OLA1: variants seen among roughly 807,000 people sequenced by gnomAD.
OLA1 encodes the protein Obg like ATPase 1, also known as obg-like ATPase 1.
Under a neutral mutation model 48.4 loss-of-function variants are expected in OLA1, and 14 were observed. The observed-to-expected ratio is 0.29, with a 90% CI of 0.19 to 0.45. The LOEUF (loss-of-function observed/expected upper bound fraction) is 0.45. Ranked by LOEUF, OLA1 falls within the 20% of genes least tolerant of loss-of-function variation. The pLI is 1.00. For synonymous variants in OLA1, 127 were observed against 150.4 expected, an observed-to-expected ratio of 0.84 and a Z score of 1.14; for missense variants, 325 against 467.1, an observed-to-expected ratio of 0.70 and a Z score of 2.80.
At chr2:174,094,303 G>C (rs1685194591) in intron 7 of OLA1, among the ~76,000 whole-genome samples, 1 of 152,210 alleles carries the variant, frequency 6.6e-6, no homozygotes, top group Non-Finnish European at 1.5e-5. Flanking sequence ...TAAGTAAATG[G>C]AAAGACATCC....
chr2:174,192,761 C>T (rs10193195), intron 4 of OLA1, among the ~76,000 whole-genome samples: 80,790 of 151,922 alleles, frequency 0.53, 22,048 homozygotes, highest in East Asian at 0.94. Flanking sequence ...TCATTAGGCA[C>T]AGATTTCTGG....
chr2:174,127,282 T>C lies in OLA1; in HGVS notation c.550-3607A>G, dbSNP rs527924257. Among the ~76,000 whole-genome samples the C allele has an allele frequency of 5.8e-4, 89 of 152,340 alleles. No individual in the cohort carries two copies. The South Asian group carries it at 6.6e-3, about 11-fold the overall frequency. Reference sequence around the variant, plus strand: ...ACCCTGGCATATTTGTCTTCCTTACTGCTTTTATAACTGTTCCTTGTTTAG... The same window carrying C: ...ACCCTGGCATATTTGTCTTCCTTACCGCTTTTATAACTGTTCCTTGTTTAG... On this transcript the variant is annotated intron_variant, in intron 5 of 10. Transcript: ENST00000284719.
intron 10 of OLA1, among the ~76,000 whole-genome samples, chr2:174,076,304 T>G (rs1684735486): frequency 6.6e-6 from 1 of 152,130 alleles, no homozygotes; most frequent in African/African-American, 2.4e-5. Flanking sequence ...TGAACTTTAC[T>G]TTACCATAAG....
At chr2:174,159,140 A>G (rs1171116196) in intron 4 of OLA1, among the ~76,000 whole-genome samples, 4 of 152,218 alleles carry the variant, frequency 2.6e-5, no homozygotes, top group East Asian at 3.8e-4. Flanking sequence ...CAGCATAAAC[A>G]GTTCACTTAC....
intron 7 of OLA1, among the ~76,000 whole-genome samples, chr2:174,117,494 G>A (rs1024299936): frequency 6.6e-6 from 1 of 152,022 alleles, no homozygotes; most frequent in African/African-American, 2.4e-5. Flanking sequence ...CAGTTTTTTA[G>A]GATTCGTTTT....
At chr2:174,221,158 A>C (rs1356172470) in intron 4 of OLA1, among the ~76,000 whole-genome samples, 5 of 152,200 alleles carry the variant, frequency 3.3e-5, no homozygotes, top group Non-Finnish European at 4.4e-5. Flanking sequence ...AATCATACTA[A>C]GAGAGCATAG....
At chr2:174,138,912 T>C (rs35312569) in intron 5 of OLA1, among the ~76,000 whole-genome samples, 59,259 of 152,090 alleles carry the variant, frequency 0.39, 12,892 homozygotes, top group East Asian at 0.94. Context: ...AGTCTTTAGT[T>C]CTTCAATTAG....
chr2:174,238,503 A>G (rs1296826857), intron 2 of OLA1, among the ~76,000 whole-genome samples: 1 of 150,376 alleles, frequency 6.6e-6, no homozygotes, highest in African/African-American at 2.4e-5. Context: ...CCAAAAAAAA[A>G]AAAAAAAAAA....
At chr2:174,140,256 C>T (rs891442266) in intron 5 of OLA1, among the ~76,000 whole-genome samples, 5 of 152,032 alleles carry the variant, frequency 3.3e-5, no homozygotes, top group African/African-American at 9.7e-5. Flanking sequence ...CATTTTTGTA[C>T]CTTTAGACCA....
At chr2:174,168,952 A>G (rs1337189132) in intron 4 of OLA1, among the ~76,000 whole-genome samples, 1 of 151,466 alleles carries the variant, frequency 6.6e-6, no homozygotes, top group African/African-American at 2.4e-5. Context: ...ATGGTTCAAC[A>G]TGCATATAAT....
intron 3 of OLA1, among the ~76,000 whole-genome samples, chr2:174,225,122 T>A (rs1375257220): frequency 6.6e-6 from 1 of 152,170 alleles, no homozygotes; most frequent in Non-Finnish European, 1.5e-5. Context: ...TCCATAGTAA[T>A]GAGTGAGTTC....
chr2:174,105,642 T>C (rs986702950), intron 7 of OLA1, among the ~76,000 whole-genome samples: 1 of 151,988 alleles, frequency 6.6e-6, no homozygotes, highest in Non-Finnish European at 1.5e-5. Context: ...ATCAGAAGAA[T>C]AATAAGGATT....
At chr2:174,075,738 A>C (rs973580389) in intron 10 of OLA1, among the ~76,000 whole-genome samples, 1 of 152,200 alleles carries the variant, frequency 6.6e-6, no homozygotes, top group Non-Finnish European at 1.5e-5. Context: ...CCATATATAC[A>C]TAATCATAAT....
intron 4 of OLA1, among the ~76,000 whole-genome samples, chr2:174,191,277 A>G (rs1338047802): frequency 2.0e-5 from 3 of 151,524 alleles, no homozygotes; most frequent in African/African-American, 7.3e-5. Context: ...TTCCTGATCC[A>G]ATGTCATTTA....
intron 5 of OLA1, among the ~76,000 whole-genome samples, chr2:174,129,351 G>A (rs944205943): frequency 6.6e-6 from 1 of 151,744 alleles, no homozygotes; most frequent in African/African-American, 2.4e-5. Flanking sequence ...CCAGCTACTC[G>A]GGAGGCTGAG....
At position 174,231,035 on chromosome 2, in the gene OLA1, A is replaced by G. The variant is rs564673118; in HGVS notation, c.102-1584T>C. ...ATGCTGAAGGAGAAAGAAACCAGCA[A>G]AACATTTGGAGGAAACTTGGAGAAC... On this transcript the variant is annotated intron_variant, in intron 2 of 10. Transcript: ENST00000284719. Among the ~76,000 whole-genome samples the G allele has an allele frequency of 3.2e-4, 48 of 152,326 alleles. No homozygotes were observed. In the South Asian group the frequency reaches 5.4e-3, roughly 17 times the overall value.
intron 5 of OLA1, among the ~76,000 whole-genome samples, chr2:174,130,044 A>G (rs1363083511): frequency 6.6e-6 from 1 of 152,210 alleles, no homozygotes; most frequent in Non-Finnish European, 1.5e-5. Flanking sequence ...AACAGTCGCT[A>G]GAAGTCCACT....
chr2:174,219,014 T>TGTG (rs1688430403), intron 4 of OLA1, among the ~76,000 whole-genome samples: 1 of 120,632 alleles, frequency 8.3e-6, no homozygotes, highest in South Asian at 3.2e-4. Flanking sequence ...TTTGTAGCAA[T>TGTG]GTGGTCTCCC....
intron 7 of OLA1, among the ~76,000 whole-genome samples, chr2:174,091,309 A>AG (rs1191769230): frequency 6.6e-6 from 1 of 152,238 alleles, no homozygotes; most frequent in Non-Finnish European, 1.5e-5. Flanking sequence ...CAAGGGAAGA[A>AG]GGGACAGTGA....
Sources: allele counts gnomAD v4.1 joint callset (sites outside exome capture counted in the v4.1 genomes callset), GRCh38; gene constraint gnomAD v4.1.1; transcripts MANE v1.5; gene names NCBI Gene and HGNC (gene_info 2026-07-23, HGNC 2026-07-21).